The following FRYL variants were observed in gnomAD, a reference collection of about 807,000 sequenced individuals.
FRYL encodes the protein FRY like transcription coactivator.
In FRYL, 150 loss-of-function variants were observed where a neutral mutation model predicts 351.2. That is an observed-to-expected ratio of 0.43 (90% confidence interval 0.37 to 0.49). The LOEUF (loss-of-function observed/expected upper bound fraction) is 0.49, where lower values mean the gene tolerates loss of function less well. FRYL is among the 20% of genes least tolerant of loss of function. The pLI, the probability that FRYL is intolerant of heterozygous loss-of-function variation, is 0.00. For synonymous variants in FRYL, 1,153 were observed against 1,257.1 expected (o/e 0.92, Z 1.75); for missense variants, 3,036 against 3,619.3 (o/e 0.84, Z 4.13).
chr4:48,729,678 G>T (rs1770506462), intron 1 of FRYL, among the ~76,000 whole-genome samples: 1 of 152,132 alleles, frequency 6.6e-6, no homozygotes, highest in African/African-American at 2.4e-5. Context: ...CTAATAAACA[G>T]AAAGGAAGAG....
chr4:48,607,005 T>C (rs1351121938), intron 9 of FRYL, among the ~76,000 whole-genome samples: 3 of 152,216 alleles, frequency 2.0e-5, no homozygotes, highest in Non-Finnish European at 2.9e-5. Context: ...GGAGAGCATA[T>C]TGGAGACTAT....
chr4:48,632,102 A>ATATATATATATGTATATG (rs1553957601), intron 4 of FRYL, among the ~76,000 whole-genome samples: 2 of 36,774 alleles, frequency 5.4e-5, no homozygotes, highest in Non-Finnish European at 1.2e-4. Flanking sequence ...ATATATATAT[A>ATATATATATATGTATATG]TATATATATA....
Position 48,564,916 on chromosome 4 carries a change from G to A in FRYL, c.3441+17C>T, listed in dbSNP as rs748208415. The A allele has an allele frequency of 3.0e-6, 4 of 1,334,210 alleles. No individual in the cohort carries two copies. The highest frequency in any genetic ancestry group is 2.9e-5 in the African/African-American group (2 of 69,194). 82.6% of individuals were successfully genotyped at this position (1,334,210 alleles called of 1,614,324 possible). A position where few individuals can be genotyped will look rare whatever the true frequency, so the allele number is the denominator to read the frequency against. On this transcript the variant is annotated intron_variant, in intron 30 of 63. Coordinates refer to ENST00000358350, the MANE Select transcript of FRYL (RefSeq NM_015030.2). ...TGACAACTTATTATGAACCTTTAAG[G>A]AAATTGTCATAATTACCTTTTTGTC...
intron 23 of FRYL, among the ~76,000 whole-genome samples, chr4:48,576,601 T>G (rs1352962228): frequency 5.3e-5 from 8 of 152,196 alleles, no homozygotes; most frequent in Non-Finnish European, 1.0e-4. Context: ...CCACCATGCC[T>G]GGCCTAATGC....
intron 56 of FRYL, among the ~76,000 whole-genome samples, chr4:48,512,960 T>C (rs1365114073): frequency 1.3e-5 from 2 of 152,178 alleles, no homozygotes; most frequent in African/African-American, 4.8e-5. Flanking sequence ...TATGGATTCA[T>C]TTTAGTAACT....
intron 1 of FRYL, among the ~76,000 whole-genome samples, chr4:48,711,933 C>T (rs1768106663): frequency 1.3e-5 from 2 of 152,210 alleles, no homozygotes; most frequent in African/African-American, 4.8e-5. Context: ...TCTGCAAACA[C>T]CGCTGCTAAT....
intron 42 of FRYL, among the ~76,000 whole-genome samples, 193 bp downstream of exon 42, chr4:48,545,874 T>C (rs564938277): frequency 6.6e-6 from 1 of 152,324 alleles, no homozygotes; most frequent in East Asian, 1.9e-4. Context: ...ATGATTAAAG[T>C]CCTGAGGTAT....
chr4:48,519,803 A>G (rs1426836873), intron 55 of FRYL, among the ~76,000 whole-genome samples: 63 of 145,302 alleles, frequency 4.3e-4, no homozygotes, highest in African/African-American at 1.5e-3. Flanking sequence ...GTGACATCTC[A>G]GCTCACTGCA....
Position 48,542,130 on chromosome 4 carries a change from A to G in FRYL, c.5593-9T>C, listed in dbSNP as rs572881999. 183 of 1,586,344 alleles carry G rather than the reference A, an allele frequency of 1.2e-4. 4 individuals carry two copies. The South Asian group carries it at 1.7e-3, about 15-fold the overall frequency. On this transcript the variant is annotated splice_polypyrimidine_tract_variant and intron_variant, in intron 44 of 63. Coordinates refer to ENST00000358350, the MANE Select transcript of FRYL (RefSeq NM_015030.2). ...AGCTCAATCACAAATCCCTGGGGGG[A>G]AAAAGGCAGATTTTAATTAATTATG...
intron 59 of FRYL, among the ~76,000 whole-genome samples, chr4:48,509,224 G>C (rs1721971400): frequency 6.6e-6 from 1 of 152,064 alleles, no homozygotes; most frequent in Non-Finnish European, 1.5e-5. Flanking sequence ...TCCAAAAAAG[G>C]GCTTGCATTT....
intron 3 of FRYL, among the ~76,000 whole-genome samples, chr4:48,651,705 A>T (rs1338365244): frequency 6.6e-6 from 1 of 152,222 alleles, no homozygotes; most frequent in African/African-American, 2.4e-5. Context: ...TTGATGTTAC[A>T]AAAACATTCC....
intron 47 of FRYL, among the ~76,000 whole-genome samples, chr4:48,537,488 G>A (rs1729138174): frequency 6.6e-6 from 1 of 152,144 alleles, no homozygotes; most frequent in Non-Finnish European, 1.5e-5. Flanking sequence ...GGCACAAACA[G>A]TAGAACTAGG....
At chr4:48,541,550 T>A (rs1409332372) in intron 45 of FRYL, among the ~76,000 whole-genome samples, 1 of 152,170 alleles carries the variant, frequency 6.6e-6, no homozygotes, top group Non-Finnish European at 1.5e-5. Context: ...AAAATCACTA[T>A]GAGAACCCAA....
At chr4:48,601,006 G>A (rs1745591621) in intron 13 of FRYL, among the ~76,000 whole-genome samples, 2 of 152,100 alleles carry the variant, frequency 1.3e-5, no homozygotes. Flanking sequence ...GTATACCTAA[G>A]AAACTGAGGC....
chr4:48,750,939 T>C lies in FRYL; in HGVS notation c.-384+29139A>G, dbSNP rs189297360. On this transcript the variant is annotated intron_variant, in intron 1 of 63. Coordinates refer to ENST00000358350, the MANE Select transcript of FRYL (RefSeq NM_015030.2). Reference sequence around the variant, plus strand: ...CCAGCAGACTTCCCTTGTGTATCACTATACCTGAACCAATCATTGGCAAGG... The same window carrying C: ...CCAGCAGACTTCCCTTGTGTATCACCATACCTGAACCAATCATTGGCAAGG... Among the ~76,000 whole-genome samples, 28 of 152,284 alleles carry C rather than the reference T, an allele frequency of 1.8e-4. No homozygotes were observed. The East Asian group carries it at 4.8e-3, about 26-fold the overall frequency.
At chr4:48,535,283 ACCACTAAAAAC>A (rs143810716) in intron 48 of FRYL, among the ~76,000 whole-genome samples, 62,369 of 151,704 alleles carry the variant, frequency 0.41, 14,081 homozygotes, top group Admixed American at 0.56. Flanking sequence ...TAGGATCAGG[ACCACTAAAAAC>A]CCATTTTCCA....
intron 1 of FRYL, among the ~76,000 whole-genome samples, chr4:48,767,769 T>G (rs1368949324): frequency 1.3e-5 from 2 of 152,192 alleles, no homozygotes; most frequent in African/African-American, 4.8e-5. Flanking sequence ...TCTTGGGTGG[T>G]GGGAAGCAGT....
chr4:48,624,437 T>G (rs563144222), intron 4 of FRYL, among the ~76,000 whole-genome samples: 2 of 152,284 alleles, frequency 1.3e-5, no homozygotes, highest in East Asian at 3.9e-4. Context: ...CATCTGCATA[T>G]GTACTCATTC....
At chr4:48,517,398 TAACA>T (rs1723861077) in intron 55 of FRYL, among the ~76,000 whole-genome samples, 1 of 152,222 alleles carries the variant, frequency 6.6e-6, no homozygotes, top group Non-Finnish European at 1.5e-5. Flanking sequence ...TAGTATTATA[TAACA>T]TACAATGAAA....
Sources: allele counts gnomAD v4.1 joint callset (sites outside exome capture counted in the v4.1 genomes callset), GRCh38; gene constraint gnomAD v4.1.1; transcripts MANE v1.5; gene names NCBI Gene and HGNC (gene_info 2026-07-23, HGNC 2026-07-21).